Variants in GRIN2B observed in about 807,000 individuals in gnomAD.
GRIN2B encodes the protein glutamate ionotropic receptor NMDA type subunit 2B.
A neutral mutation model predicts 114.5 loss-of-function variants in GRIN2B; 5 were observed. The ratio of observed to expected loss-of-function variants is 0.04; its 90% confidence interval spans 0.02 to 0.09. GRIN2B has a LOEUF of 0.09. Ranked by LOEUF, GRIN2B falls within the 10% of genes least tolerant of loss-of-function variation. GRIN2B has a pLI of 1.00. For missense variants in GRIN2B, 1,108 were observed against 1,943.5 expected, an observed-to-expected ratio of 0.57 and a Z score of 8.08; for synonymous variants, 787 against 745.1, an observed-to-expected ratio of 1.06 and a Z score of -0.92.
intron 2 of GRIN2B, among the ~76,000 whole-genome samples, chr12:13,903,693 C>G (rs1038332630): frequency 1.3e-5 from 2 of 151,904 alleles, no homozygotes; most frequent in African/African-American, 4.8e-5. Context: ...TATTTGGTAG[C>G]TTTTTACTAG....
At chr12:13,814,463 C>T (rs1267280957) in intron 3 of GRIN2B, among the ~76,000 whole-genome samples, 1 of 152,158 alleles carries the variant, frequency 6.6e-6, no homozygotes, top group African/African-American at 2.4e-5. Flanking sequence ...CTAACAGTTA[C>T]AAAATAACCT....
At chr12:13,868,606 A>C (rs1279592018) in intron 2 of GRIN2B, among the ~76,000 whole-genome samples, 1 of 152,180 alleles carries the variant, frequency 6.6e-6, no homozygotes, top group African/African-American at 2.4e-5. Context: ...AGTTTCCTTC[A>C]CGTTTAAAAG....
At chr12:13,742,903 T>C (rs917782225) in intron 4 of GRIN2B, among the ~76,000 whole-genome samples, 2 of 152,226 alleles carry the variant, frequency 1.3e-5, no homozygotes, top group Non-Finnish European at 2.9e-5. Flanking sequence ...ATGATTTACC[T>C]TCCTTCCTTT....
chr12:13,885,264 CAGA>C (rs753647716), intron 2 of GRIN2B, among the ~76,000 whole-genome samples: 1 of 152,066 alleles, frequency 6.6e-6, no homozygotes, highest in Non-Finnish European at 1.5e-5. Context: ...CATAAAAATG[CAGA>C]AGTTCCTATA....
intron 5 of GRIN2B, among the ~76,000 whole-genome samples, chr12:13,639,575 A>G (rs1042555450): frequency 1.3e-5 from 2 of 151,992 alleles, no homozygotes; most frequent in African/African-American, 4.8e-5. Context: ...GGTTCTTTTT[A>G]TCTCCTGAAA....
Position 13,562,735 on chromosome 12 carries a change from C to A in GRIN2B, c.*48G>T, listed in dbSNP as rs1446223663. On this transcript the variant is annotated 3_prime_UTR_variant, in exon 14 of 14. Transcript: ENST00000609686. ...CTCCGTGACATGCGCATCACGCGAC[C>A]CACAGCCTTACCCTCCCGTACCCAC... 2 of 1,490,244 alleles carry A rather than the reference C, an allele frequency of 1.3e-6. No individual in the cohort carries two copies. The highest frequency in any genetic ancestry group is 1.9e-6 in the Non-Finnish European group (2 of 1,067,056). 92.3% of individuals were successfully genotyped at this position (1,490,244 alleles called of 1,614,324 possible).
At chr12:13,833,464 T>G (rs778248768) in intron 3 of GRIN2B, among the ~76,000 whole-genome samples, 1 of 152,188 alleles carries the variant, frequency 6.6e-6, no homozygotes, top group Non-Finnish European at 1.5e-5. Flanking sequence ...CCAAGTCTGG[T>G]TCTTTAAGTT....
At chr12:13,785,661 C>A (rs890849507) in intron 3 of GRIN2B, among the ~76,000 whole-genome samples, 8 of 152,170 alleles carry the variant, frequency 5.3e-5, no homozygotes, top group Non-Finnish European at 1.0e-4. Flanking sequence ...TGTAATAACA[C>A]CAACGACAAT....
intron 2 of GRIN2B, among the ~76,000 whole-genome samples, chr12:13,934,599 A>AC (rs1867095290): frequency 6.6e-6 from 1 of 152,150 alleles, no homozygotes; most frequent in Non-Finnish European, 1.5e-5. Context: ...CCAGGTTGAT[A>AC]CCCTCTTTCC....
At chr12:13,689,869 G>A (rs1243712396) in intron 4 of GRIN2B, among the ~76,000 whole-genome samples, 1 of 152,010 alleles carries the variant, frequency 6.6e-6, no homozygotes, top group Non-Finnish European at 1.5e-5. Flanking sequence ...TCTCTCAATT[G>A]AGCATAATCC....
intron 3 of GRIN2B, among the ~76,000 whole-genome samples, chr12:13,855,049 GAAAAAAA>G (rs3082840): frequency 2.3e-5 from 2 of 88,028 alleles, no homozygotes; most frequent in Non-Finnish European, 4.4e-5. Context: ...CATCTCTACT[GAAAAAAA>G]AAAAAAAAAA....
intron 4 of GRIN2B, among the ~76,000 whole-genome samples, chr12:13,707,368 G>T (rs1950369824): frequency 6.6e-6 from 1 of 152,082 alleles, no homozygotes; most frequent in African/African-American, 2.4e-5. Context: ...AGGAGAAGAA[G>T]CCTCTGATTC....
chr12:13,656,219 G>GA lies in GRIN2B; in HGVS notation c.1125+19525dup, dbSNP rs111341195. The stretch of plus-strand genomic sequence containing the variant: ...AATAATAATTTCAAAATATAAAAAG[G>GA]AAAAAAAGCATCACTGTGCCCTATA... On this transcript the variant is annotated intron_variant, in intron 5 of 13. Coordinates refer to ENST00000609686, the MANE Select transcript of GRIN2B (RefSeq NM_000834.5). Among the ~76,000 whole-genome samples the GA allele has an allele frequency of 5.9e-3, 901 of 152,066 alleles. 8 individuals carry two copies. Among genetic ancestry groups the GA allele is most frequent in the African/African-American group, 0.021 (857 of 41,516 alleles).
At chr12:13,811,841 G>A (rs923428963) in intron 3 of GRIN2B, among the ~76,000 whole-genome samples, 23 of 152,218 alleles carry the variant, frequency 1.5e-4, no homozygotes, top group African/African-American at 4.1e-4. Flanking sequence ...TTCTTTTAAC[G>A]GAGATAAGGA....
At chr12:13,705,196 C>G (rs1267154505) in intron 4 of GRIN2B, among the ~76,000 whole-genome samples, 1 of 152,144 alleles carries the variant, frequency 6.6e-6, no homozygotes, top group Non-Finnish European at 1.5e-5. Context: ...TGCTCTCTTG[C>G]CTTAGCTTTT....
At chr12:13,952,159 T>C (rs992123127) in intron 2 of GRIN2B, among the ~76,000 whole-genome samples, 3 of 152,118 alleles carry the variant, frequency 2.0e-5, no homozygotes, top group Non-Finnish European at 4.4e-5. Flanking sequence ...TGTGTCTATA[T>C]GTGCATGTCA....
At chr12:13,933,701 G>C (rs549369516) in intron 2 of GRIN2B, among the ~76,000 whole-genome samples, 2 of 152,310 alleles carry the variant, frequency 1.3e-5, no homozygotes, top group East Asian at 3.9e-4. Flanking sequence ...AAGTAAAGTA[G>C]AGGCCCATGG....
intron 8 of GRIN2B, among the ~76,000 whole-genome samples, chr12:13,613,584 C>T (rs548200825): frequency 1.5e-4 from 23 of 152,138 alleles, no homozygotes; most frequent in East Asian, 5.8e-4. Context: ...AACTCTGAAA[C>T]GGCCTTATTT....
At chr12:13,729,212 A>C (rs1217729227) in intron 4 of GRIN2B, among the ~76,000 whole-genome samples, 1 of 152,266 alleles carries the variant, frequency 6.6e-6, no homozygotes, top group Admixed American at 6.5e-5. Flanking sequence ...ATTTATTCCC[A>C]GCATGGGAGT....
Sources: gnomAD v4.1 joint callset for allele counts (sites outside exome capture counted in the v4.1 genomes callset) on GRCh38, gnomAD v4.1.1 for gene constraint, MANE v1.5 for transcripts, NCBI Gene and HGNC (gene_info 2026-07-23, HGNC 2026-07-21) for gene names.